The following POLR3G variants were observed in gnomAD, a reference collection of about 807,000 sequenced individuals.
POLR3G encodes RNA polymerase III subunit G.
A neutral mutation model predicts 30.1 loss-of-function variants in POLR3G; 28 were observed. The observed-to-expected ratio is 0.93, with a 90% CI of 0.69 to 1.27. POLR3G has a LOEUF of 1.27. Ranked by LOEUF, POLR3G falls within the 50% of genes most tolerant of loss-of-function variation. The pLI is 0.00. For synonymous variants in POLR3G, 79 were observed against 82.5 expected (o/e 0.96, Z 0.23); for missense variants, 254 against 264.6 (o/e 0.96, Z 0.28).
intron 1 of POLR3G, among the ~76,000 whole-genome samples, chr5:90,477,763 G>T (rs1284894816): frequency 6.6e-6 from 1 of 152,160 alleles, no homozygotes; most frequent in Non-Finnish European, 1.5e-5. Context: ...GCAAAGCAAA[G>T]AAAGAATGAA....
intron 2 of POLR3G, among the ~76,000 whole-genome samples, chr5:90,487,737 G>A (rs964867686): frequency 3.3e-5 from 5 of 152,022 alleles, no homozygotes; most frequent in African/African-American, 1.2e-4. Flanking sequence ...TCAACAGACT[G>A]TTTGGCAAAA....
chr5:90,493,493 C>A (rs1210505420), intron 3 of POLR3G, among the ~76,000 whole-genome samples: 2 of 151,968 alleles, frequency 1.3e-5, no homozygotes, highest in Non-Finnish European at 2.9e-5. Flanking sequence ...AGGGATCCAG[C>A]TGCCTTGGCC....
At chr5:90,510,414 T>G (rs1022522480) in intron 7 of POLR3G, among the ~76,000 whole-genome samples, 1 of 151,968 alleles carries the variant, frequency 6.6e-6, no homozygotes, top group African/African-American at 2.4e-5. Flanking sequence ...CGTCACACAA[T>G]TACCAAATTT....
At chr5:90,489,230 A>G (rs1408369160) in intron 3 of POLR3G, among the ~76,000 whole-genome samples, 1 of 152,058 alleles carries the variant, frequency 6.6e-6, no homozygotes, top group East Asian at 1.9e-4. Context: ...ATGGTTTGAT[A>G]AGAAATATTT....
chr5:90,477,887 A>G (rs778392941), intron 1 of POLR3G, among the ~76,000 whole-genome samples: 1 of 152,236 alleles, frequency 6.6e-6, no homozygotes, highest in African/African-American at 2.4e-5. Context: ...AATACCCTCT[A>G]GGGGTTTCCA....
intron 1 of POLR3G, among the ~76,000 whole-genome samples, chr5:90,483,663 G>T (rs898932669): frequency 2.6e-5 from 4 of 152,082 alleles, no homozygotes; most frequent in Non-Finnish European, 2.9e-5. Context: ...GCCGGGCATG[G>T]TGGTGCGCGC....
chr5:90,511,986 G>T, intron 7 of POLR3G, 67 bp from the exon 8 acceptor site: 1 of 1,067,512 alleles, frequency 9.4e-7, no homozygotes. Context: ...GAGACTTTTA[G>T]GCCTGGAATA....
intron 5 of POLR3G, among the ~76,000 whole-genome samples, chr5:90,499,974 C>T (rs558627020): frequency 3.3e-5 from 5 of 152,108 alleles, no homozygotes; most frequent in Non-Finnish European, 5.9e-5. Context: ...GAGGATCACA[C>T]ATCTGTAGTT....
intron 7 of POLR3G, among the ~76,000 whole-genome samples, chr5:90,508,398 G>A (rs1752590351): frequency 6.6e-6 from 1 of 150,536 alleles, no homozygotes; most frequent in Admixed American, 6.6e-5. Flanking sequence ...ATCCTTTTTT[G>A]GAACCATAGT....
rs920115620 is a variant in POLR3G, at chr5:90,489,427, G to A, written c.247+1298G>A. On this transcript the variant is annotated intron_variant, in intron 3 of 7. Transcript: ENST00000651687. ...ATTGCAGACGCACAGCACCATGCCC[G>A]GCTAATTTTTGTATTTTTAATAGAG... is the stretch of plus-strand genomic sequence containing the variant. Among the ~76,000 whole-genome samples, 13 of 151,772 alleles carry A rather than the reference G, an allele frequency of 8.6e-5. No homozygotes were observed. The East Asian group carries it at 9.7e-4, about 11-fold the overall frequency.
At chr5:90,478,822 A>G (rs781314172) in intron 1 of POLR3G, among the ~76,000 whole-genome samples, 61 of 151,626 alleles carry the variant, frequency 4.0e-4, no homozygotes, top group Middle Eastern at 6.9e-3. Context: ...TGTCTCTACT[A>G]AAAATGCAGT....
chr5:90,497,227 G>A (rs1185364086), intron 4 of POLR3G, among the ~76,000 whole-genome samples: 1 of 151,582 alleles, frequency 6.6e-6, no homozygotes, highest in Admixed American at 6.6e-5. Context: ...CATTTTGCAT[G>A]TTTTGGGATT....
At chr5:90,496,204 A>G (rs1337231200) in intron 4 of POLR3G, among the ~76,000 whole-genome samples, 2 of 151,862 alleles carry the variant, frequency 1.3e-5, no homozygotes, top group Admixed American at 6.6e-5. Flanking sequence ...ATCTGACCTC[A>G]TGATCCGCCC....
rs1034245432 is a variant in POLR3G at position 90,487,061 on chromosome 5, C to T, written c.118-939C>T. Among the ~76,000 whole-genome samples the T allele has an allele frequency of 9.2e-5, 14 of 152,110 alleles. No individual in the cohort carries two copies. In the South Asian group the frequency reaches 1.0e-3, roughly 11 times the overall value. ...GTGTAAATATATACACACATACAAA[C>T]GCGTATTTGTGTATATGTATGTGTG... On this transcript the variant is annotated intron_variant, in intron 2 of 7. Coordinates refer to ENST00000651687, the MANE Select transcript of POLR3G (RefSeq NM_006467.3).
At chr5:90,492,300 C>G (rs1751763521) in intron 3 of POLR3G, among the ~76,000 whole-genome samples, 1 of 152,146 alleles carries the variant, frequency 6.6e-6, no homozygotes, top group African/African-American at 2.4e-5. Flanking sequence ...AAAAAGAACT[C>G]ATCATGTAAT....
upstream of POLR3G, chr5:90,474,385 G>C: frequency 8.3e-7 from 1 of 1,201,750 alleles, no homozygotes; most frequent in African/African-American, 1.5e-5. Flanking sequence ...GTGTGAAGCG[G>C]TCTGCCTGCA....
At chr5:90,506,854 A>G (rs1033159118) in intron 7 of POLR3G, among the ~76,000 whole-genome samples, 180 bp downstream of exon 7, 1 of 152,222 alleles carries the variant, frequency 6.6e-6, no homozygotes, top group Non-Finnish European at 1.5e-5. Flanking sequence ...CGAGAGAACT[A>G]TTATAGCATT....
At position 90,513,551 on chromosome 5, in the gene POLR3G, AAT is replaced by A. The variant is rs1412821890; in HGVS notation, c.*1417_*1418del. The stretch of plus-strand genomic sequence containing the variant: ...TTTAAGAAACATGTTTTCCTCACAA[AAT>A]ATATTGTAATCTGATTTTCCTATCT... On this transcript the variant is annotated 3_prime_UTR_variant, in exon 8 of 8. Coordinates refer to ENST00000651687, the MANE Select transcript of POLR3G (RefSeq NM_006467.3). The A allele has an allele frequency of 6.6e-6, 1 of 152,516 alleles. No homozygotes were observed. Among genetic ancestry groups the A allele is most frequent in the Non-Finnish European group, 1.5e-5 (1 of 68,012 alleles). The allele number at this position is 152,516 out of a possible 1,614,324, so 9.4% of individuals were successfully genotyped here.
chr5:90,504,130 CTATTT>C (rs1442004551), intron 6 of POLR3G, among the ~76,000 whole-genome samples: 1 of 151,750 alleles, frequency 6.6e-6, no homozygotes, highest in Non-Finnish European at 1.5e-5. Flanking sequence ...TACTTTTAAC[CTATTT>C]TATGAGTCTG....
Sources: allele counts gnomAD v4.1 joint callset (sites outside exome capture counted in the v4.1 genomes callset), GRCh38; gene constraint gnomAD v4.1.1; transcripts MANE v1.5; gene names NCBI Gene and HGNC (gene_info 2026-07-23, HGNC 2026-07-21).